Variants in ADGRL3 observed in about 807,000 individuals in gnomAD.
ADGRL3 encodes the protein adhesion G protein-coupled receptor L3, also known as calcium-independent alpha-latrotoxin receptor 3.
A neutral mutation model predicts 153.5 loss-of-function variants in ADGRL3; 62 were observed. The observed-to-expected ratio is 0.40, with a 90% CI of 0.33 to 0.50. The LOEUF (loss-of-function observed/expected upper bound fraction) is 0.50. Among genes scored for constraint, ADGRL3 ranks in the 20% least tolerant of loss-of-function variants. The pLI is 0.47. For synonymous variants in ADGRL3, 710 were observed against 672.5 expected (o/e 1.06, Z -0.86); for missense variants, 1,641 against 1,859.4 (o/e 0.88, Z 2.16).
chr4:61,622,363 G>A (rs1370469879), intron 5 of ADGRL3, among the ~76,000 whole-genome samples: 1 of 152,090 alleles, frequency 6.6e-6, no homozygotes, highest in East Asian at 1.9e-4. Flanking sequence ...CTCACTGGGT[G>A]TTACAAAGGA....
chr4:61,988,466 C>A (rs2099093438), intron 19 of ADGRL3, among the ~76,000 whole-genome samples: 1 of 152,028 alleles, frequency 6.6e-6, no homozygotes, highest in Admixed American at 6.6e-5. Context: ...CAGTGGGATG[C>A]CATCAATGTG....
Position 61,752,747 on chromosome 4 carries a change from A to G in ADGRL3, c.1399+19193A>G, listed in dbSNP as rs191256552. On this transcript the variant is annotated intron_variant, in intron 8 of 26. Transcript: ENST00000683033. ...CAGGAGTTCAAGTCCAGCCTGGACA[A>G]CATGGTGAGACCTCGTTTCTACAAA... Among the ~76,000 whole-genome samples, 278 of 152,308 alleles carry G rather than the reference A, an allele frequency of 1.8e-3. 1 individual carries two copies. Among genetic ancestry groups the G allele is most frequent in the African/African-American group, 6.5e-3 (272 of 41,576 alleles).
intron 17 of ADGRL3, among the ~76,000 whole-genome samples, chr4:61,957,462 T>TATATTATA (rs1234693492): frequency 4.6e-4 from 70 of 152,082 alleles, no homozygotes; most frequent in Admixed American, 4.6e-3. Context: ...TAAATAAGCA[T>TATATTATA]AGCCAAATTA....
At chr4:61,519,127 A>T (rs923371507) in intron 4 of ADGRL3, among the ~76,000 whole-genome samples, 21 of 152,212 alleles carry the variant, frequency 1.4e-4, no homozygotes, top group Admixed American at 3.9e-4. Context: ...ACTAATGTAA[A>T]CACAAACACA....
At chr4:62,022,823 T>C (rs2099244156) in intron 21 of ADGRL3, among the ~76,000 whole-genome samples, 2 of 152,146 alleles carry the variant, frequency 1.3e-5, no homozygotes, top group African/African-American at 4.8e-5. Flanking sequence ...AAAATATTAC[T>C]GATCCCTGAC....
intron 23 of ADGRL3, among the ~76,000 whole-genome samples, chr4:62,033,275 A>G (rs1250757796): frequency 6.6e-6 from 1 of 151,590 alleles, no homozygotes; most frequent in Non-Finnish European, 1.5e-5. Flanking sequence ...TTTTTATCAG[A>G]TAGGGTTCTA....
At chr4:61,765,213 G>T (rs1179253906) in intron 8 of ADGRL3, among the ~76,000 whole-genome samples, 1 of 151,992 alleles carries the variant, frequency 6.6e-6, no homozygotes, top group East Asian at 1.9e-4. Flanking sequence ...TGTATGAGTA[G>T]TTGAGAACGG....
intron 9 of ADGRL3, among the ~76,000 whole-genome samples, chr4:61,818,204 C>G (rs1246357007): frequency 6.6e-6 from 1 of 152,208 alleles, no homozygotes; most frequent in African/African-American, 2.4e-5. Context: ...TAGATAAGTA[C>G]AGCCATTCCA....
At chr4:61,575,054 A>G (rs2098863880) in intron 4 of ADGRL3, among the ~76,000 whole-genome samples, 1 of 151,918 alleles carries the variant, frequency 6.6e-6, no homozygotes, top group Non-Finnish European at 1.5e-5. Flanking sequence ...AACCACCTGT[A>G]TTGGAATATT....
intron 8 of ADGRL3, among the ~76,000 whole-genome samples, chr4:61,734,666 T>A (rs114649467): frequency 0.019 from 2,850 of 152,288 alleles, 43 homozygotes; most frequent in African/African-American, 0.034. Context: ...CAAGATGAGA[T>A]TTGGGTAGGG....
intron 2 of ADGRL3, among the ~76,000 whole-genome samples, chr4:61,452,583 T>A (rs1035316680): frequency 1.3e-5 from 2 of 152,208 alleles, no homozygotes. Flanking sequence ...ATTCCTTGCT[T>A]AGTGTTTGAA....
chr4:61,644,933 G>A (rs200261321), intron 5 of ADGRL3, among the ~76,000 whole-genome samples: 3,975 of 151,804 alleles, frequency 0.026, 121 homozygotes, highest in East Asian at 0.18. Context: ...TCTCTTTGTA[G>A]GTCACTCAGG....
chr4:61,946,074 G>A (rs1484857610), intron 15 of ADGRL3, among the ~76,000 whole-genome samples: 3 of 152,206 alleles, frequency 2.0e-5, no homozygotes, highest in Non-Finnish European at 4.4e-5. Flanking sequence ...CCCATATATT[G>A]TGGTGGATAT....
chr4:61,846,408 T>A (rs1034927243), intron 9 of ADGRL3, among the ~76,000 whole-genome samples: 12 of 152,160 alleles, frequency 7.9e-5, no homozygotes, highest in East Asian at 5.8e-4. Flanking sequence ...AATAAAAAAA[T>A]TTTCAATTGC....
intron 18 of ADGRL3, 40 bp from the exon 19 acceptor site, chr4:61,983,343 G>A: frequency 6.6e-7 from 1 of 1,521,848 alleles, no homozygotes; most frequent in Non-Finnish European, 9.1e-7. Flanking sequence ...AGTATCCCAT[G>A]TGGTAGAGAT....
intron 19 of ADGRL3, among the ~76,000 whole-genome samples, chr4:61,985,931 G>A (rs541245211): frequency 3.2e-4 from 47 of 147,930 alleles, no homozygotes; most frequent in African/African-American, 1.0e-3. Context: ...AAAAAAACAC[G>A]TTATCTGAGG....
intron 1 of ADGRL3, among the ~76,000 whole-genome samples, chr4:61,226,128 GT>G (rs570139023): frequency 1.1e-4 from 17 of 148,630 alleles, no homozygotes; most frequent in African/African-American, 3.7e-4. Context: ...ATTCTCTATT[GT>G]TTTTTTTTCA....
At chr4:61,804,152 A>T (rs1219313614) in intron 8 of ADGRL3, among the ~76,000 whole-genome samples, 4 of 152,128 alleles carry the variant, frequency 2.6e-5, no homozygotes, top group Non-Finnish European at 5.9e-5. Flanking sequence ...ATCCTGGGAG[A>T]ATATCCATAT....
chr4:61,361,538 T>C (rs2096282130), intron 1 of ADGRL3, among the ~76,000 whole-genome samples: 1 of 152,198 alleles, frequency 6.6e-6, no homozygotes, highest in Non-Finnish European at 1.5e-5. Context: ...TACAAATTAA[T>C]TCCTAGACCT....
Sources: gnomAD v4.1 joint callset for allele counts (sites outside exome capture counted in the v4.1 genomes callset) on GRCh38, gnomAD v4.1.1 for gene constraint, MANE v1.5 for transcripts, NCBI Gene and HGNC (gene_info 2026-07-23, HGNC 2026-07-21) for gene names.